Variants in PDE4D observed in about 807,000 individuals in gnomAD.
PDE4D encodes the protein 3',5'-cyclic-AMP phosphodiesterase 4D.
In PDE4D, 24 loss-of-function variants were observed where a neutral mutation model predicts 87.4. The ratio of observed to expected loss-of-function variants is 0.27; its 90% CI spans 0.20 to 0.39. The LOEUF (loss-of-function observed/expected upper bound fraction) is 0.39. Among genes scored for constraint, PDE4D ranks in the 10% least tolerant of loss-of-function variants. The pLI is 1.00. For missense variants in PDE4D, 714 were observed against 1,041.0 expected (o/e 0.69, Z 4.32); for synonymous variants, 384 against 383.2 (o/e 1.00, Z -0.02).
intron 1 of PDE4D, among the ~76,000 whole-genome samples, chr5:59,490,379 A>G (rs1232320053): frequency 6.6e-6 from 1 of 152,200 alleles, no homozygotes; most frequent in African/African-American, 2.4e-5. Flanking sequence ...TTGCTCAGTC[A>G]AATGCTTTCA....
intron 1 of PDE4D, among the ~76,000 whole-genome samples, chr5:59,417,625 A>G (rs191790025): frequency 2.8e-4 from 42 of 152,194 alleles, no homozygotes; most frequent in African/African-American, 9.4e-4. Context: ...GGCCTTAAAC[A>G]TACTTCTTTC....
intron 1 of PDE4D, among the ~76,000 whole-genome samples, chr5:59,819,429 CT>C (rs1055604558): frequency 2.0e-5 from 3 of 152,098 alleles, no homozygotes; most frequent in Non-Finnish European, 2.9e-5. Context: ...TTCTTCCAGA[CT>C]TTTTTTTCAA....
intron 5 of PDE4D, among the ~76,000 whole-genome samples, chr5:59,149,076 C>G (rs1779094488): frequency 6.6e-6 from 1 of 152,088 alleles, no homozygotes; most frequent in Non-Finnish European, 1.5e-5. Flanking sequence ...GGATTTGGTG[C>G]TTTAAGCAAA....
At chr5:60,197,340 A>G (rs1382461034) in intron 1 of PDE4D, among the ~76,000 whole-genome samples, 1 of 151,512 alleles carries the variant, frequency 6.6e-6, no homozygotes, top group Non-Finnish European at 1.5e-5. Flanking sequence ...TTGGTTCTTT[A>G]GTTGCTTTTA....
intron 1 of PDE4D, among the ~76,000 whole-genome samples, chr5:59,829,770 A>T (rs1740901698): frequency 6.6e-6 from 1 of 152,008 alleles, no homozygotes; most frequent in Non-Finnish European, 1.5e-5. Flanking sequence ...TAGTCTATTT[A>T]AGTAGGTTTT....
intron 1 of PDE4D, among the ~76,000 whole-genome samples, chr5:59,521,653 A>G (rs1812261308): frequency 6.6e-6 from 1 of 152,078 alleles, no homozygotes; most frequent in Non-Finnish European, 1.5e-5. Context: ...CTCTTTCCCC[A>G]CTTTACCCCA....
intron 5 of PDE4D, among the ~76,000 whole-genome samples, chr5:59,133,628 C>T (rs539610035): frequency 1.3e-5 from 2 of 152,306 alleles, no homozygotes; most frequent in South Asian, 2.1e-4. Context: ...CAGCTCTGCC[C>T]ACCCTACCCC....
In PDE4D at chr5:59,446,139, T is replaced by C. The variant is rs1056377019; in HGVS notation, c.456-230171A>G. 4.8e-4 allele frequency among the ~76,000 whole-genome samples: 73 copies of C among 152,192 alleles called. 1 individual carries two copies. Among genetic ancestry groups the C allele is most frequent in the African/African-American group, 1.8e-3 (73 of 41,458 alleles). ...TAATTTGGTCATTGTGCTATATGTA[T>C]ACACATATATTATATAACATATACA... On this transcript the variant is annotated intron_variant, in intron 1 of 14. Transcript: ENST00000340635.
exon 3 of PDE4D, chr5:59,988,645 G>A (rs761212249): frequency 2.1e-5 from 33 of 1,599,110 alleles, no homozygotes; most frequent in Admixed American, 8.3e-5. Flanking sequence ...GAAAGTCTCC[G>A]GACAAGATAG....
chr5:60,210,150 T>C (rs1743021445), intron 1 of PDE4D, among the ~76,000 whole-genome samples: 1 of 152,122 alleles, frequency 6.6e-6, no homozygotes, highest in African/African-American at 2.4e-5. Context: ...TTAACAAATG[T>C]ACTAAATCTA....
intron 11 of PDE4D, among the ~76,000 whole-genome samples, chr5:58,986,782 A>G (rs897768099): frequency 3.9e-5 from 6 of 152,172 alleles, no homozygotes; most frequent in African/African-American, 1.4e-4. Context: ...AGAATGAAGA[A>G]TAGAGCAGGT....
intron 1 of PDE4D, among the ~76,000 whole-genome samples, chr5:60,501,068 T>C (rs1024234378): frequency 2.6e-5 from 4 of 152,158 alleles, no homozygotes; most frequent in Non-Finnish European, 4.4e-5. Flanking sequence ...GTTACATATG[T>C]ATACATGTGC....
chr5:59,091,797 TA>T (rs1768795226), intron 5 of PDE4D, among the ~76,000 whole-genome samples: 1 of 152,142 alleles, frequency 6.6e-6, no homozygotes, highest in Non-Finnish European at 1.5e-5. Context: ...TAAATTTTGT[TA>T]TATTTCACAA....
chr5:59,157,781 A>C (rs1780474268), intron 5 of PDE4D, among the ~76,000 whole-genome samples: 1 of 152,232 alleles, frequency 6.6e-6, no homozygotes, highest in South Asian at 2.1e-4. Context: ...TAGAAACAAA[A>C]GACATGACTA....
At chr5:59,588,581 G>C (rs949275326) in intron 1 of PDE4D, among the ~76,000 whole-genome samples, 1 of 152,140 alleles carries the variant, frequency 6.6e-6, no homozygotes, top group Non-Finnish European at 1.5e-5. Context: ...CCCAAGATTG[G>C]GTGGAGGGCA....
intron 1 of PDE4D, among the ~76,000 whole-genome samples, chr5:59,256,767 G>T (rs912620135): frequency 6.6e-6 from 1 of 151,986 alleles, no homozygotes; most frequent in Non-Finnish European, 1.5e-5. Context: ...ACATATCTGT[G>T]CAGAGAAAAC....
intron 1 of PDE4D, among the ~76,000 whole-genome samples, chr5:59,343,539 G>T (rs1162455660): frequency 6.6e-6 from 1 of 152,140 alleles, no homozygotes; most frequent in African/African-American, 2.4e-5. Flanking sequence ...ACAGCATAAA[G>T]TTTAAGGCTT....
At chr5:58,981,872 T>C (rs1355129060) in intron 11 of PDE4D, among the ~76,000 whole-genome samples, 1 of 152,160 alleles carries the variant, frequency 6.6e-6, no homozygotes, top group Non-Finnish European at 1.5e-5. Context: ...GGGATCTCCT[T>C]ATTCCACACA....
chr5:59,236,846 AAT>A (rs1756554547), intron 1 of PDE4D, among the ~76,000 whole-genome samples: 1 of 152,094 alleles, frequency 6.6e-6, no homozygotes, highest in Admixed American at 6.6e-5. Context: ...AGGAAGAAGG[AAT>A]GAAGGAAGAA....
Sources: gnomAD v4.1 joint callset for allele counts (sites outside exome capture counted in the v4.1 genomes callset) on GRCh38, gnomAD v4.1.1 for gene constraint, MANE v1.5 for transcripts, NCBI Gene and HGNC (gene_info 2026-07-23, HGNC 2026-07-21) for gene names.